Variants in NDRG2 observed in about 807,000 individuals in gnomAD.
NDRG2 encodes the protein protein NDRG2.
NDRG2 carries 34 observed loss-of-function variants against 58.2 expected under a neutral mutation model. The observed-to-expected ratio is 0.58, with a 90% CI of 0.44 to 0.78. NDRG2 has a LOEUF of 0.78. Ranked by LOEUF, NDRG2 falls within the 30% of genes least tolerant of loss-of-function variation. The pLI is 0.00. For synonymous variants in NDRG2, 187 were observed against 175.9 expected, an observed-to-expected ratio of 1.06 and a Z score of -0.50; for missense variants, 434 against 471.2, an observed-to-expected ratio of 0.92 and a Z score of 0.73.
intron 1 of NDRG2, among the ~76,000 whole-genome samples, chr14:21,062,708 A>AGAGT (rs1555335053): frequency 1.5e-5 from 2 of 130,978 alleles, no homozygotes; most frequent in Non-Finnish European, 3.2e-5. Flanking sequence ...GGCTGGGCAC[A>AGAGT]GTGTGTGTGT....
In NDRG2 at chr14:21,016,958, G is replaced by C; in HGVS notation, c.*638C>G. ...TCTAGATGCACACTGAGCTACCAAA[G>C]TTAGTGCAGCCAAACGGCCCCAGGC... On this transcript the variant is annotated 3_prime_UTR_variant, in exon 16 of 16. Coordinates refer to ENST00000556147, the MANE Select transcript of NDRG2 (RefSeq NM_001320329.2). The C allele has an allele frequency of 2.2e-6, 1 of 456,602 alleles. No individual in the cohort carries two copies. The allele number at this position is 456,602 out of a possible 1,614,324, so 28.3% of individuals were successfully genotyped here.
At chr14:21,036,783 C>T (rs904020776) in intron 1 of NDRG2, among the ~76,000 whole-genome samples, 2 of 152,222 alleles carry the variant, frequency 1.3e-5, no homozygotes, top group African/African-American at 4.8e-5. Context: ...CCAGAGGTCC[C>T]ACTTAGAAAG....
intron 14 of NDRG2, 30 bp from the exon 15 acceptor site, chr14:21,018,068 G>T (rs369760285): frequency 1.2e-6 from 2 of 1,609,126 alleles, no homozygotes; most frequent in Non-Finnish European, 8.5e-7. Flanking sequence ...CGAGGGAGAC[G>T]GTGAGATGAG....
intron 1 of NDRG2, chr14:21,033,913 T>C (rs749996635): frequency 1.9e-6 from 3 of 1,613,948 alleles, no homozygotes; most frequent in East Asian, 2.2e-5. Context: ...AGGGTGCTAT[T>C]GTAGTAGCAG....
chr14:21,043,555 C>A, intron 1 of NDRG2: 1 of 878,872 alleles, frequency 1.1e-6, no homozygotes, highest in Non-Finnish European at 1.8e-6. Flanking sequence ...CTCTTCCCCT[C>A]ATCTCTTGGG....
rs1460213099 is a variant in NDRG2, at chr14:21,016,912, T to A, written c.*684A>T. On this transcript the variant is annotated 3_prime_UTR_variant, in exon 16 of 16. Transcript: ENST00000556147. ...AGCCCCAAGCAGCCCAGCCCAAGCT[T>A]AGCTCCCTCCCCAGTCCCACTCTAG... 1.1e-5 allele frequency: 5 copies of A among 456,468 alleles called. No individual in the cohort carries two copies. The East Asian group carries it at 3.5e-4, about 32-fold the overall frequency. 28.3% of individuals were successfully genotyped at this position (456,468 alleles called of 1,614,324 possible).
At chr14:21,032,479 G>A (rs747672551) in intron 1 of NDRG2, 18 of 384,380 alleles carry the variant, frequency 4.7e-5, no homozygotes, top group African/African-American at 1.3e-4. Flanking sequence ...GATGGACTAT[G>A]ACTATATCAC....
chr14:21,024,727 G>A lies in NDRG2; in HGVS notation c.-704C>T. On this transcript the variant is annotated 5_prime_UTR_variant, in exon 1 of 16. Coordinates refer to ENST00000556147, the MANE Select transcript of NDRG2 (RefSeq NM_001320329.2). ...GGGATGGGTAGGACAGAGGAGACCG[G>A]CCGGGCCCAGCACCCGGAACCCGTC... 1.0e-6 allele frequency: 1 copy of A among 985,448 alleles called. No homozygotes were observed. The highest frequency in any genetic ancestry group is 1.2e-6 in the Non-Finnish European group (1 of 829,972). The allele number at this position is 985,448 out of a possible 1,614,324, so 61.0% of individuals were successfully genotyped here. A position where few individuals can be genotyped will look rare whatever the true frequency, so the allele number is the denominator to read the frequency against.
At chr14:21,018,269 T>G (rs1477677475) in intron 13 of NDRG2, 30 bp from the exon 14 acceptor site, 19 of 1,613,248 alleles carry the variant, frequency 1.2e-5, no homozygotes, top group Non-Finnish European at 1.6e-5. Context: ...CCAGAAAAAG[T>G]GAAACACACA....
intron 1 of NDRG2, chr14:21,032,170 C>T: frequency 7.6e-7 from 1 of 1,323,900 alleles, no homozygotes; most frequent in Non-Finnish European, 1.1e-6. Context: ...TGTGCAGCAG[C>T]CAAAATCTCT....
chr14:21,042,982 TC>T, intron 1 of NDRG2: 1 of 1,609,066 alleles, frequency 6.2e-7, no homozygotes. Context: ...TGACTGCTCC[TC>T]CTAAGAGAGA....
At chr14:21,029,018 T>C (rs1383386603), upstream of NDRG2, 5 of 152,238 alleles carry the variant, frequency 3.3e-5, no homozygotes, top group African/African-American at 9.6e-5. Flanking sequence ...GGAACATCTT[T>C]GACCTGCATA....
chr14:21,042,683 T>G (rs958534266), intron 1 of NDRG2, among the ~76,000 whole-genome samples: 1 of 151,126 alleles, frequency 6.6e-6, no homozygotes, highest in East Asian at 1.9e-4. Context: ...CACAGGAACA[T>G]GGAGACACAA....
At chr14:21,036,069 T>C (rs1884602757) in intron 1 of NDRG2, 1 of 394,382 alleles carries the variant, frequency 2.5e-6, no homozygotes, top group Admixed American at 3.1e-5. Context: ...TATCAAGAGT[T>C]TTTAGACCAG....
At position 21,019,975 on chromosome 14, in the gene NDRG2, A is replaced by C; in HGVS notation, c.557T>G (p.Leu186Arg). 1 of 1,613,570 alleles carries C rather than the reference A, an allele frequency of 6.2e-7. No individual in the cohort carries two copies. The highest frequency in any genetic ancestry group is 8.5e-7 in the Non-Finnish European group (1 of 1,179,892). ...KGWMDWAAHK[L>R]TGLTSSIPEM... ...CGGAATGGAAGAGGTGAGGCCTGTT[A>C]GCTATGAGGAGAAGGCAGGTGAGAA... The change falls in exon 9 of 16, where the codon CTA becomes CGA. Residue 186 changes from leucine (L) to arginine (R), a missense_variant and splice_region_variant. Transcript: ENST00000556147.
Position 21,031,856 on chromosome 14 carries a change from A to G in NDRG2, c.25-8535T>C, listed in dbSNP as rs1205604326. The stretch of plus-strand genomic sequence containing the variant: ...GGGGAAGGGATATGACAGCGTAAGG[A>G]AAGGAAGAGAGCTCAAATCCATCCC... On this transcript the variant is annotated intron_variant, in intron 1 of 14. Coordinates refer to the NDRG2 transcript ENST00000403829. The G allele has an allele frequency of 6.2e-6, 10 of 1,602,310 alleles. No homozygotes were observed. The African/African-American group carries it at 1.3e-4, about 21-fold the overall frequency.
intron 1 of NDRG2, chr14:21,057,848 A>G (rs777761066): frequency 6.5e-7 from 1 of 1,548,092 alleles, no homozygotes; most frequent in South Asian, 1.2e-5. Flanking sequence ...TGACCTATTC[A>G]TCCACCTACC....
At chr14:21,032,977 G>C in intron 1 of NDRG2, 1 of 456,134 alleles carries the variant, frequency 2.2e-6, no homozygotes, top group Non-Finnish European at 4.4e-6. Context: ...GATTAGAGCC[G>C]GGCCTGCCTC....
At chr14:21,030,366 T>G, upstream of NDRG2, 1 of 570,522 alleles carries the variant, frequency 1.8e-6, no homozygotes, top group South Asian at 2.1e-5. Flanking sequence ...CACTGGTATC[T>G]CCAATGCTGG....
Sources: gnomAD v4.1 joint callset for allele counts (sites outside exome capture counted in the v4.1 genomes callset) on GRCh38, gnomAD v4.1.1 for gene constraint, MANE v1.5 for transcripts, NCBI Gene and HGNC (gene_info 2026-07-23, HGNC 2026-07-21) for gene names.